The following E2F3 variants were observed in gnomAD, a reference collection of about 807,000 sequenced individuals.
E2F3 encodes E2F transcription factor 3, also known as transcription factor E2F3.
E2F3 carries 11 observed loss-of-function variants against 44.4 expected under a neutral mutation model. The observed-to-expected ratio is 0.25, with a 90% CI of 0.16 to 0.41. The LOEUF is 0.41. Among genes scored for constraint, E2F3 ranks in the 10% least tolerant of loss-of-function variants. E2F3 has a pLI of 1.00. For synonymous variants in E2F3, 249 were observed against 253.0 expected (o/e 0.98, Z 0.15); for missense variants, 487 against 583.6 (o/e 0.83, Z 1.70).
chr6:20,402,461 G>C lies in E2F3; in HGVS notation c.229G>C (p.Gly77Arg), dbSNP rs1343489714. ...TTSCSSSLQS[G>R]AVAAGPLLPS... ...CTCCTGTTCCTCCTCCCTCCAAAGC[G>C]GCGCCGTAGCCGCCGGCCCCCTCCT... Residue 77 changes from glycine (G) to arginine (R), a missense_variant, in exon 1 of 7, where the codon GGC becomes CGC. Gly to Arg is a moderately radical substitution (Grantham distance 125). Coordinates refer to ENST00000346618, the MANE Select transcript of E2F3 (RefSeq NM_001949.5). This position sits in a 1 kb window ranked among gnomAD's most constrained non-coding sequence, Gnocchi z 5.6. The C allele has an allele frequency of 6.2e-7, 1 of 1,610,024 alleles. No individual in the cohort carries two copies. Among genetic ancestry groups the C allele is most frequent in the South Asian group, 1.1e-5 (1 of 90,986 alleles).
At position 20,402,529 on chromosome 6, in the gene E2F3, C is replaced by G. The variant is rs377131864; in HGVS notation, c.297C>G (p.Leu99=). The change falls in exon 1 of 7, where the codon CTC becomes CTG. Residue 99 remains leucine, a synonymous_variant. Transcript: ENST00000346618. This position sits in a 1 kb window ranked among gnomAD's most constrained non-coding sequence, Gnocchi z 5.6. ...PGAEQTAGSL[L]YTTPHGPSSR... Reference sequence around the variant, plus strand: ...CGGAGCAGACCGCCGGCAGCCTCCTCTACACCACGCCGCACGGACCCTCCA... The same window carrying G: ...CGGAGCAGACCGCCGGCAGCCTCCTGTACACCACGCCGCACGGACCCTCCA... The G allele has an allele frequency of 6.7e-5, 107 of 1,598,712 alleles. No homozygotes were observed. The highest frequency in any genetic ancestry group is 9.0e-5 in the Non-Finnish European group (106 of 1,178,284).
At chr6:20,460,631 C>T (rs1169418842) in intron 1 of E2F3, among the ~76,000 whole-genome samples, 2 of 152,134 alleles carry the variant, frequency 1.3e-5, no homozygotes, top group African/African-American at 2.4e-5. Flanking sequence ...TACATGCCTT[C>T]CTGTGCATGT....
chr6:20,450,569 A>G (rs1412387632), intron 1 of E2F3, among the ~76,000 whole-genome samples: 2 of 151,828 alleles, frequency 1.3e-5, no homozygotes, highest in Non-Finnish European at 2.9e-5. Context: ...CTCCCATTCT[A>G]TATGTTGTCT....
At chr6:20,452,750 C>T (rs528785176) in intron 1 of E2F3, among the ~76,000 whole-genome samples, 2 of 152,028 alleles carry the variant, frequency 1.3e-5, no homozygotes, top group Admixed American at 6.6e-5. Context: ...GAGATCCAGA[C>T]CATCCTGGCC....
rs1581648845 is a variant in E2F3 at position 20,477,663 on chromosome 6, G to A, written c.394-2183G>A. Reference sequence around the variant, plus strand: ...GCTCTGGAATTTGCGTTTCCTAGCAGCTGAACTTGGTCCAGGGTTCAAAGT... The same window carrying A: ...GCTCTGGAATTTGCGTTTCCTAGCAACTGAACTTGGTCCAGGGTTCAAAGT... On this transcript the variant is annotated intron_variant, in intron 1 of 6. Transcript: ENST00000346618. Among the ~76,000 whole-genome samples the A allele has an allele frequency of 5.9e-5, 9 of 152,242 alleles. No homozygotes were observed. In the South Asian group the frequency reaches 1.7e-3, roughly 28 times the overall value.
chr6:20,448,340 C>T (rs897969932), intron 1 of E2F3, among the ~76,000 whole-genome samples: 1 of 152,190 alleles, frequency 6.6e-6, no homozygotes, highest in Non-Finnish European at 1.5e-5. Context: ...AGTGTCCATA[C>T]AGGAGAAATT....
intron 1 of E2F3, among the ~76,000 whole-genome samples, chr6:20,427,079 T>C (rs1204519704): frequency 6.6e-6 from 1 of 152,202 alleles, no homozygotes; most frequent in African/African-American, 2.4e-5. Context: ...AATGAAAAGT[T>C]CTGCATAAGG....
At chr6:20,415,401 TG>T (rs1381862720) in intron 1 of E2F3, among the ~76,000 whole-genome samples, 2 of 152,210 alleles carry the variant, frequency 1.3e-5, no homozygotes, top group Admixed American at 6.5e-5. Flanking sequence ...TTCTCCGTGG[TG>T]ATAGTTTGTG....
At chr6:20,435,619 C>T (rs556818375) in intron 1 of E2F3, among the ~76,000 whole-genome samples, 160 of 152,110 alleles carry the variant, frequency 1.1e-3, no homozygotes, top group Middle Eastern at 6.8e-3. Context: ...GGTGTGGTGG[C>T]GCACGCCTGT....
intron 1 of E2F3, among the ~76,000 whole-genome samples, chr6:20,454,500 A>C (rs931263572): frequency 1.3e-5 from 2 of 152,138 alleles, no homozygotes; most frequent in African/African-American, 4.8e-5. Context: ...AACTTTTCTG[A>C]GTTTTTTCCA....
At position 20,486,590 on chromosome 6, in the gene E2F3, G is replaced by T. The variant is rs1762401258; in HGVS notation, c.885-99G>T. 6.9e-6 allele frequency: 5 copies of T among 722,772 alleles called. No homozygotes were observed. The Admixed American group carries it at 1.0e-4, about 15-fold the overall frequency. The allele number at this position is 722,772 out of a possible 1,614,324, so 44.8% of individuals were successfully genotyped here. A position where few individuals can be genotyped will look rare whatever the true frequency, so the allele number is the denominator to read the frequency against. On this transcript the variant is annotated intron_variant, in intron 4 of 6. Coordinates refer to ENST00000346618, the MANE Select transcript of E2F3 (RefSeq NM_001949.5). The stretch of plus-strand genomic sequence containing the variant: ...CCCGGCCACATATGCATACTTCTAA[G>T]TCATAAAATACTTTAAAATATTCCA...
chr6:20,445,896 G>A (rs1760928381), intron 1 of E2F3, among the ~76,000 whole-genome samples: 2 of 152,222 alleles, frequency 1.3e-5, no homozygotes, highest in South Asian at 4.1e-4. Context: ...CTGGTGGATG[G>A]AGCCTGTCCC....
rs927517720 is a variant in E2F3, at chr6:20,490,620, G to T, written c.*190G>T. On this transcript the variant is annotated 3_prime_UTR_variant, in exon 7 of 7. Transcript: ENST00000346618. The surrounding 1 kb of genome is among the most constrained non-coding windows in gnomAD (Gnocchi z 4.3). ...AAATTAATAAACAAATTGTCTAAAC[G>T]CACAGTTGCAGGCTCCCTTGGGAAA... is the stretch of plus-strand genomic sequence containing the variant. The T allele has an allele frequency of 1.9e-5, 10 of 537,426 alleles. No individual in the cohort carries two copies. The highest frequency in any genetic ancestry group is 2.9e-5 in the Non-Finnish European group (10 of 346,304). 33.3% of individuals were successfully genotyped at this position (537,426 alleles called of 1,614,324 possible).
chr6:20,462,404 A>T (rs1761540900), intron 1 of E2F3, among the ~76,000 whole-genome samples: 1 of 150,060 alleles, frequency 6.7e-6, no homozygotes, highest in South Asian at 2.1e-4. Flanking sequence ...GGTTTTCTAT[A>T]CTATTCTTTT....
chr6:20,483,951 C>A (rs1468127548), intron 4 of E2F3, among the ~76,000 whole-genome samples: 1 of 152,182 alleles, frequency 6.6e-6, no homozygotes, highest in East Asian at 1.9e-4. Flanking sequence ...TTCCTGTTGA[C>A]CAAAGAATTA....
intron 1 of E2F3, among the ~76,000 whole-genome samples, chr6:20,437,412 G>A (rs1760623924): frequency 6.6e-6 from 1 of 151,898 alleles, no homozygotes; most frequent in Non-Finnish European, 1.5e-5. Context: ...AAATGGAACT[G>A]AGCAGCATAG....
intron 1 of E2F3, among the ~76,000 whole-genome samples, chr6:20,405,745 C>T (rs1759473487): frequency 6.6e-6 from 1 of 151,708 alleles, no homozygotes; most frequent in Non-Finnish European, 1.5e-5. Context: ...ATCGCTTGAC[C>T]CTGGGAAGCG....
chr6:20,489,526 T>C (rs749522860), intron 6 of E2F3, among the ~76,000 whole-genome samples: 1 of 152,090 alleles, frequency 6.6e-6, no homozygotes, highest in Non-Finnish European at 1.5e-5. Flanking sequence ...AAGCCAACTT[T>C]TCAGTATGTA....
At chr6:20,488,029 AC>A in intron 5 of E2F3, 83 bp from the exon 6 acceptor site, 1 of 1,571,180 alleles carries the variant, frequency 6.4e-7, no homozygotes, top group Admixed American at 1.8e-5. Context: ...CATTGTTCTT[AC>A]TTTCCATTTT....
Sources: allele counts gnomAD v4.1 joint callset (sites outside exome capture counted in the v4.1 genomes callset), GRCh38; gene constraint gnomAD v4.1.1; non-coding constraint Gnocchi (gnomAD v3.1); transcripts MANE v1.5; gene names NCBI Gene and HGNC (gene_info 2026-07-23, HGNC 2026-07-21).